Variants in CCDC175 observed in about 807,000 individuals in gnomAD.
CCDC175 encodes the protein coiled-coil domain containing 175, also known as coiled-coil domain-containing protein 175.
In CCDC175, 100 loss-of-function variants were observed where a neutral mutation model predicts 114.6. The observed-to-expected ratio is 0.87, with a 90% CI of 0.74 to 1.03. The LOEUF (loss-of-function observed/expected upper bound fraction) is 1.03, where lower values mean the gene tolerates loss of function less well. Ranked by LOEUF, CCDC175 falls within the 50% of genes least tolerant of loss-of-function variation. The probability of loss-of-function intolerance (pLI) is 0.00; values close to 1 mark genes in which losing one functional copy is unlikely to be tolerated. For synonymous variants in CCDC175, 306 were observed against 308.7 expected (o/e 0.99, Z 0.09); for missense variants, 880 against 917.8 (o/e 0.96, Z 0.53).
At chr14:59,574,429 C>A (rs1031303779) in intron 2 of CCDC175, among the ~76,000 whole-genome samples, 2 of 152,180 alleles carry the variant, frequency 1.3e-5, no homozygotes, top group East Asian at 3.8e-4. Context: ...TGATAGGGGC[C>A]AGTTAAGTGT....
At chr14:59,561,696 G>A (rs1300341624) in intron 6 of CCDC175, among the ~76,000 whole-genome samples, 1 of 152,110 alleles carries the variant, frequency 6.6e-6, no homozygotes, top group African/African-American at 2.4e-5. Flanking sequence ...CAAAATTTAG[G>A]AAATGGAATA....
intron 3 of CCDC175, among the ~76,000 whole-genome samples, chr14:59,569,634 G>A (rs980767083): frequency 5.3e-5 from 8 of 152,188 alleles, no homozygotes; most frequent in African/African-American, 1.9e-4. Flanking sequence ...TACCTTTGGT[G>A]TAGATTCTTC....
intron 7 of CCDC175, 145 bp downstream of exon 7, chr14:59,560,974 C>A (rs1896195782): frequency 7.9e-6 from 4 of 509,394 alleles, no homozygotes; most frequent in Non-Finnish European, 3.4e-6. Flanking sequence ...AAAGCTTTCA[C>A]ATATATTTTA....
At chr14:59,542,298 A>G (rs950985994) in intron 10 of CCDC175, among the ~76,000 whole-genome samples, 2 of 152,214 alleles carry the variant, frequency 1.3e-5, no homozygotes, top group African/African-American at 4.8e-5. Flanking sequence ...GTGGTTCATT[A>G]ATTATTTCAT....
intron 17 of CCDC175, among the ~76,000 whole-genome samples, 155 bp downstream of exon 17, chr14:59,521,419 G>C (rs113633819): frequency 6.6e-6 from 1 of 152,220 alleles, no homozygotes; most frequent in African/African-American, 2.4e-5. Context: ...TGGATTCCTT[G>C]CTCCTCAACT....
At chr14:59,521,349 G>A (rs1893417639) in intron 17 of CCDC175, among the ~76,000 whole-genome samples, 1 of 152,238 alleles carries the variant, frequency 6.6e-6, no homozygotes, top group Non-Finnish European at 1.5e-5. Context: ...GCCACAGACT[G>A]AAGGCTGCAC....
chr14:59,514,333 TGAGA>T (rs1470959596), intron 17 of CCDC175, among the ~76,000 whole-genome samples: 1 of 152,118 alleles, frequency 6.6e-6, no homozygotes, highest in Non-Finnish European at 1.5e-5. Flanking sequence ...TTTGATGAGT[TGAGA>T]GAAGAAGGCT....
intron 2 of CCDC175, among the ~76,000 whole-genome samples, chr14:59,574,285 A>AT (rs1896989033): frequency 6.6e-6 from 1 of 152,182 alleles, no homozygotes; most frequent in Non-Finnish European, 1.5e-5. Flanking sequence ...CTTATCCAAT[A>AT]TTTTTAAATA....
chr14:59,512,321 T>G (rs374023609), intron 17 of CCDC175, among the ~76,000 whole-genome samples: 2 of 152,338 alleles, frequency 1.3e-5, no homozygotes, highest in Admixed American at 6.5e-5. Flanking sequence ...TCAGTGGCTG[T>G]CTGAGCAGCT....
In CCDC175 at chr14:59,554,352, T is replaced by C. The variant is rs1256468355; in HGVS notation, c.954-2916A>G. Among the ~76,000 whole-genome samples, 17 of 152,230 alleles carry C rather than the reference T, an allele frequency of 1.1e-4. No individual in the cohort carries two copies. The South Asian group carries it at 2.9e-3, about 26-fold the overall frequency. The stretch of plus-strand genomic sequence containing the variant: ...AACTACATGGAAACTGAACAACCTG[T>C]TCCTGAATGACTACTGGGTACACAA... On this transcript the variant is annotated intron_variant, in intron 7 of 19. Coordinates refer to ENST00000537690, the MANE Select transcript of CCDC175 (RefSeq NM_001164399.2).
chr14:59,535,594 C>A (rs113008598), intron 13 of CCDC175, among the ~76,000 whole-genome samples: 1 of 152,130 alleles, frequency 6.6e-6, no homozygotes, highest in Non-Finnish European at 1.5e-5. Context: ...TGCTTTAGCT[C>A]CCTAATTGTT....
intron 7 of CCDC175, among the ~76,000 whole-genome samples, chr14:59,557,705 C>T (rs370835018): frequency 5.7e-4 from 86 of 151,666 alleles, no homozygotes; most frequent in African/African-American, 2.0e-3. Context: ...TCCCCATCTC[C>T]CCATATAACA....
chr14:59,530,749 T>C (rs1024532002), intron 14 of CCDC175, among the ~76,000 whole-genome samples: 1 of 152,212 alleles, frequency 6.6e-6, no homozygotes, highest in African/African-American at 2.4e-5. Context: ...TGGGGTTCCA[T>C]ATGAATGTCC....
chr14:59,511,545 T>C (rs1241162455), intron 18 of CCDC175, among the ~76,000 whole-genome samples: 3 of 3,116 alleles, frequency 9.6e-4, no homozygotes, highest in Non-Finnish European at 3.3e-3. Flanking sequence ...TAGTGATATT[T>C]GGTAAAAAAA....
At position 59,563,860 on chromosome 14, in the gene CCDC175, C is replaced by A; in HGVS notation, c.721-1G>T. ...CACGGGTATTTTCAAATTCATTAAT[C>A]TATAGTGACAAGCATAAGAAACCAA... On this transcript the variant is annotated splice_acceptor_variant, in intron 5 of 19. Coordinates refer to ENST00000537690, the MANE Select transcript of CCDC175 (RefSeq NM_001164399.2). LOFTEE classifies it high-confidence loss of function. 2 of 1,418,430 alleles carry A rather than the reference C, an allele frequency of 1.4e-6. No individual in the cohort carries two copies. The highest frequency in any genetic ancestry group is 2.8e-5 in the East Asian group (1 of 35,876). 87.9% of individuals were successfully genotyped at this position (1,418,430 alleles called of 1,614,324 possible).
chr14:59,543,981 T>C (rs1270707450), intron 9 of CCDC175, among the ~76,000 whole-genome samples: 1 of 152,232 alleles, frequency 6.6e-6, no homozygotes, highest in Non-Finnish European at 1.5e-5. Flanking sequence ...TCAGTCAGAT[T>C]AATTTTGCAT....
chr14:59,540,672 T>TTA lies in CCDC175; in HGVS notation c.1355+2_1355+3insTA. The TTA allele has an allele frequency of 6.8e-7, 1 of 1,476,166 alleles. No individual in the cohort carries two copies. Among genetic ancestry groups the TTA allele is most frequent in the East Asian group, 2.5e-5 (1 of 40,518 alleles). The allele number at this position is 1,476,166 out of a possible 1,614,324, so 91.4% of individuals were successfully genotyped here. The stretch of plus-strand genomic sequence containing the variant: ...ACTTTTTTTTTTTTTTTTTTTTTTT[T>TTA]ACCATCTCTGACTTTCTCTTTCCAG... On this transcript the variant is annotated splice_region_variant and intron_variant, in intron 11 of 19. Transcript: ENST00000537690.
intron 3 of CCDC175, 56 bp from the exon 4 acceptor site, chr14:59,568,436 TACTG>T (rs1896675154): frequency 3.0e-6 from 4 of 1,350,768 alleles, no homozygotes; most frequent in Non-Finnish European, 3.9e-6. Flanking sequence ...CAACTGTAGA[TACTG>T]ACTTTCACGC....
At chr14:59,549,497 A>T (rs1251235550) in intron 8 of CCDC175, among the ~76,000 whole-genome samples, 1 of 152,104 alleles carries the variant, frequency 6.6e-6, no homozygotes, top group Non-Finnish European at 1.5e-5. Context: ...TGGTGGGTGG[A>T]TCATTTCAGG....
Sources: gnomAD v4.1 joint callset for allele counts (sites outside exome capture counted in the v4.1 genomes callset) on GRCh38, gnomAD v4.1.1 for gene constraint, MANE v1.5 for transcripts, NCBI Gene and HGNC (gene_info 2026-07-23, HGNC 2026-07-21) for gene names.